Variants in EML1 observed in about 807,000 individuals in gnomAD.
The protein encoded by EML1 is echinoderm microtubule-associated protein-like 1.
EML1 carries 27 observed loss-of-function variants against 110.4 expected under a neutral mutation model. The observed-to-expected ratio is 0.24, with a 90% CI of 0.18 to 0.34. EML1 has a LOEUF of 0.34. Ranked by LOEUF, EML1 falls within the 10% of genes least tolerant of loss-of-function variation. EML1 has a pLI of 1.00. For synonymous variants in EML1, 344 were observed against 385.8 expected, an observed-to-expected ratio of 0.89 and a Z score of 1.27; for missense variants, 741 against 1,030.9, an observed-to-expected ratio of 0.72 and a Z score of 3.85.
At position 99,804,546 on chromosome 14, in the gene EML1, A is replaced by G. The variant is rs115880227; in HGVS notation, c.67+11003A>G. ...TGTTTCAGAGCTGGGGTTTGAAGCCAAGCATTCTGGCTCCACTGTCCATGG... is the reference window on the plus strand; with the variant it reads ...TGTTTCAGAGCTGGGGTTTGAAGCCGAGCATTCTGGCTCCACTGTCCATGG... On this transcript the variant is annotated intron_variant, in intron 1 of 21. Transcript: ENST00000262233. 5.0e-3 allele frequency among the ~76,000 whole-genome samples: 758 copies of G among 152,298 alleles called. 5 individuals carry two copies. Among genetic ancestry groups the G allele is most frequent in the African/African-American group, 0.017 (723 of 41,554 alleles).
Position 99,827,327 on chromosome 14 carries a change from T to C in EML1, c.68-23526T>C, listed in dbSNP as rs762425986. Among the ~76,000 whole-genome samples the C allele has an allele frequency of 2.0e-5, 3 of 149,904 alleles. No individual in the cohort carries two copies. Among genetic ancestry groups the C allele is most frequent in the Non-Finnish European group, 4.4e-5 (3 of 67,428 alleles). On this transcript the variant is annotated intron_variant, in intron 1 of 21. Transcript: ENST00000262233. The surrounding 1 kb of genome is among the most constrained non-coding windows in gnomAD (Gnocchi z 4.4). ...TAGCGTAACTGGACCTTGCCGGTTT[T>C]GAGTATCGTGAGTACCCTGGCAGCA...
intron 2 of EML1, among the ~76,000 whole-genome samples, chr14:99,863,504 T>C (rs996805125): frequency 1.3e-5 from 2 of 152,212 alleles, no homozygotes; most frequent in African/African-American, 4.8e-5. Context: ...TTCCTGTATG[T>C]CACCTATTCA....
At chr14:99,854,810 G>A (rs1595384023) in intron 2 of EML1, among the ~76,000 whole-genome samples, 2 of 152,122 alleles carry the variant, frequency 1.3e-5, no homozygotes, top group Non-Finnish European at 2.9e-5. Flanking sequence ...AATCGTTCAC[G>A]AAGGGCTGTA....
chr14:99,799,165 C>T (rs1200981890), intron 1 of EML1, among the ~76,000 whole-genome samples: 2 of 152,114 alleles, frequency 1.3e-5, no homozygotes, highest in Non-Finnish European at 2.9e-5. Context: ...ATGGGACCTG[C>T]CCAGTCAAAT....
intron 1 of EML1, among the ~76,000 whole-genome samples, chr14:99,831,452 C>T (rs532114003): frequency 9.7e-4 from 147 of 152,294 alleles, no homozygotes; most frequent in Non-Finnish European, 1.9e-3. Flanking sequence ...TTGCTCCCAT[C>T]GGCAGCTGTG....
chr14:99,916,600 C>T (rs2140069751), intron 15 of EML1, among the ~76,000 whole-genome samples: 1 of 152,278 alleles, frequency 6.6e-6, no homozygotes, highest in East Asian at 1.9e-4. Flanking sequence ...CAAGACCATT[C>T]AAAGTGTTCT....
upstream of EML1, among the ~76,000 whole-genome samples, chr14:99,769,609 G>A (rs1454511941): frequency 6.6e-6 from 1 of 152,226 alleles, no homozygotes; most frequent in African/African-American, 2.4e-5. Context: ...AGTTCAGGGT[G>A]ATGGTCACTA....
At chr14:99,803,653 T>C (rs1192137004) in intron 1 of EML1, among the ~76,000 whole-genome samples, 1 of 152,254 alleles carries the variant, frequency 6.6e-6, no homozygotes, top group Admixed American at 6.5e-5. Flanking sequence ...GTGGTTTCAC[T>C]GGCTTAAAAC....
intron 12 of EML1, 59 bp downstream of exon 12, chr14:99,910,400 A>G: frequency 7.4e-7 from 1 of 1,344,754 alleles, no homozygotes; most frequent in African/African-American, 1.5e-5. Flanking sequence ...GAGATCAAAC[A>G]TGAGTGCTTT....
chr14:99,807,106 TAA>T (rs1245084069), intron 1 of EML1, among the ~76,000 whole-genome samples: 1 of 152,148 alleles, frequency 6.6e-6, no homozygotes, highest in African/African-American at 2.4e-5. Flanking sequence ...CAGGACTGTT[TAA>T]AGAGACAAGC....
At chr14:99,867,527 GTCT>G (rs576127927) in intron 3 of EML1, among the ~76,000 whole-genome samples, 6 of 152,016 alleles carry the variant, frequency 3.9e-5, no homozygotes, top group Non-Finnish European at 7.4e-5. Flanking sequence ...CAGTGTATGA[GTCT>G]TCTAACTCCT....
chr14:99,878,288 C>A (rs1459357190), intron 3 of EML1, among the ~76,000 whole-genome samples, 197 bp from the exon 4 acceptor site: 2 of 152,024 alleles, frequency 1.3e-5, no homozygotes, highest in Non-Finnish European at 2.9e-5. Flanking sequence ...TGCTAGTGGC[C>A]TCAGTTAAAA....
chr14:99,835,072 T>G (rs765895253), intron 1 of EML1, among the ~76,000 whole-genome samples: 1 of 151,848 alleles, frequency 6.6e-6, no homozygotes, highest in Non-Finnish European at 1.5e-5. Flanking sequence ...TCCACCTGCC[T>G]CAGCCTCCCA....
chr14:99,769,234 C>T (rs57886680), upstream of EML1, among the ~76,000 whole-genome samples: 5,193 of 152,264 alleles, frequency 0.034, 292 homozygotes, highest in African/African-American at 0.11. Flanking sequence ...GCCATCTCCT[C>T]GGTCAAGTCA....
chr14:99,771,071 ACCGCGC>A (rs955902087), upstream of EML1, among the ~76,000 whole-genome samples: 9 of 152,142 alleles, frequency 5.9e-5, no homozygotes. Flanking sequence ...GGCGTGAGCC[ACCGCGC>A]CCGGCCTCCC....
chr14:99,914,225 G>A lies in EML1; in HGVS notation c.1541G>A (p.Gly514Asp), dbSNP rs2059995101. The change falls in exon 14 of 22, where the codon GGC becomes GAC. Residue 514 changes from glycine to aspartate, a missense_variant. Transcript: ENST00000262233. ...GPIRTVAEGK[G>D]DVILIGTTRN... Reference sequence around the variant, plus strand: ...ATACGGACAGTGGCCGAGGGGAAAGGCGATGTGATCTTGATTGGCACAACT... The same window carrying A: ...ATACGGACAGTGGCCGAGGGGAAAGACGATGTGATCTTGATTGGCACAACT... 3 of 1,613,998 alleles carry A rather than the reference G, an allele frequency of 1.9e-6. No homozygotes were observed. The highest frequency in any genetic ancestry group is 2.5e-6 in the Non-Finnish European group (3 of 1,179,920).
At chr14:99,927,769 G>A (rs1306743201) in intron 17 of EML1, among the ~76,000 whole-genome samples, 2 of 111,656 alleles carry the variant, frequency 1.8e-5, no homozygotes, top group Admixed American at 9.7e-5. Flanking sequence ...GGTGATAGTA[G>A]TGGTGGTGGT....
chr14:99,900,072 T>G (rs1256328209), intron 8 of EML1, among the ~76,000 whole-genome samples: 1 of 152,092 alleles, frequency 6.6e-6, no homozygotes, highest in Non-Finnish European at 1.5e-5. Flanking sequence ...AGAGAAAAAT[T>G]AGCGTAAATA....
chr14:99,882,609 C>G (rs1318719051), intron 4 of EML1, among the ~76,000 whole-genome samples: 2 of 143,226 alleles, frequency 1.4e-5, no homozygotes, highest in East Asian at 4.0e-4. Context: ...TGTCTTGGGC[C>G]ACACACAAAA....
Sources: allele counts gnomAD v4.1 joint callset (sites outside exome capture counted in the v4.1 genomes callset), GRCh38; gene constraint gnomAD v4.1.1; non-coding constraint Gnocchi (gnomAD v3.1); transcripts MANE v1.5; gene names NCBI Gene and HGNC (gene_info 2026-07-23, HGNC 2026-07-21).